The following TBC1D9 variants were observed in gnomAD, a reference collection of about 807,000 sequenced individuals.
TBC1D9 encodes TBC1 domain family member 9.
In TBC1D9, 63 loss-of-function variants were observed where a neutral mutation model predicts 132.0. That is an observed-to-expected ratio of 0.48 (90% CI 0.39 to 0.59). TBC1D9 has a LOEUF of 0.59. TBC1D9 is among the 20% of genes least tolerant of loss of function. The pLI is 0.00. For synonymous variants in TBC1D9, 610 were observed against 609.9 expected (o/e 1.00, Z 0.00); for missense variants, 1,261 against 1,592.7 (o/e 0.79, Z 3.54).
chr4:140,750,578 T>C (rs1738908636), intron 1 of TBC1D9, among the ~76,000 whole-genome samples: 2 of 151,228 alleles, frequency 1.3e-5, no homozygotes, highest in Non-Finnish European at 3.0e-5. Context: ...GGAATAAATA[T>C]AATAAATGAA....
intron 13 of TBC1D9, chr4:140,642,383 C>G: frequency 1.2e-6 from 1 of 839,398 alleles, no homozygotes; most frequent in Non-Finnish European, 2.0e-6. Flanking sequence ...TGGAAGATTT[C>G]AGAGACAGGC....
chr4:140,686,487 A>C (rs1343510817), intron 2 of TBC1D9, 25 bp from the exon 3 acceptor site: 2 of 1,408,842 alleles, frequency 1.4e-6, no homozygotes, highest in Non-Finnish European at 2.0e-6. Context: ...ATAATAATTC[A>C]TGTCAGATTT....
At chr4:140,624,730 T>A (rs1214773683) in intron 18 of TBC1D9, among the ~76,000 whole-genome samples, 2 of 152,180 alleles carry the variant, frequency 1.3e-5, no homozygotes, top group East Asian at 3.9e-4. Flanking sequence ...GAATTCTTTC[T>A]CACAGCTGGG....
intron 1 of TBC1D9, among the ~76,000 whole-genome samples, chr4:140,732,527 T>C (rs1188628809): frequency 6.6e-6 from 1 of 152,254 alleles, no homozygotes; most frequent in Non-Finnish European, 1.5e-5. Context: ...TACTCACCCA[T>C]GTTCTCCAAG....
Position 140,624,061 on chromosome 4 carries a change from A to G in TBC1D9, c.3078+55T>C, listed in dbSNP as rs537128981. 1,227 of 1,406,132 alleles carry G rather than the reference A, an allele frequency of 8.7e-4. 5 individuals are homozygous for G. The highest frequency in any genetic ancestry group is 3.3e-3 in the South Asian group (256 of 78,330). The allele number at this position is 1,406,132 out of a possible 1,614,324, so 87.1% of individuals were successfully genotyped here. On this transcript the variant is annotated intron_variant, in intron 20 of 20. Transcript: ENST00000442267. The stretch of plus-strand genomic sequence containing the variant: ...TACATTTATCGATGACTTTTCAGTC[A>G]TAGAAAAAAGAGTGTCCAGGTTTGA...
chr4:140,662,194 A>G, intron 9 of TBC1D9, 87 bp from the exon 10 acceptor site: 1 of 1,057,620 alleles, frequency 9.5e-7, no homozygotes, highest in Admixed American at 1.7e-5. Context: ...GAACTGCTTT[A>G]CTTTCCTACC....
intron 13 of TBC1D9, among the ~76,000 whole-genome samples, chr4:140,651,741 A>G (rs1391140492): frequency 3.3e-5 from 5 of 152,206 alleles, no homozygotes; most frequent in Non-Finnish European, 7.3e-5. Context: ...TACTTCAGGA[A>G]AAAAAGAAAA....
chr4:140,727,173 T>G (rs937019190), intron 1 of TBC1D9, among the ~76,000 whole-genome samples: 3 of 152,216 alleles, frequency 2.0e-5, no homozygotes, highest in Non-Finnish European at 4.4e-5. Context: ...GAGCCTAGTG[T>G]GCAAAACACA....
chr4:140,644,556 C>T (rs61080370), intron 13 of TBC1D9: 28,412 of 309,824 alleles, frequency 0.092, 1,904 homozygotes, highest in African/African-American at 0.22. Context: ...GCCTTGCCCC[C>T]GGCCCCCAGG....
chr4:140,680,924 C>A (rs750508864), intron 3 of TBC1D9, among the ~76,000 whole-genome samples: 1 of 152,178 alleles, frequency 6.6e-6, no homozygotes, highest in African/African-American at 2.4e-5. Flanking sequence ...TAACCACCAC[C>A]AGTATAAAGT....
At chr4:140,688,326 AGT>A (rs1737820884) in intron 2 of TBC1D9, among the ~76,000 whole-genome samples, 1 of 152,094 alleles carries the variant, frequency 6.6e-6, no homozygotes, top group Non-Finnish European at 1.5e-5. Flanking sequence ...ACTTTAGACA[AGT>A]GCTTAATCTC....
intron 10 of TBC1D9, among the ~76,000 whole-genome samples, chr4:140,660,986 C>G (rs1337812751): frequency 6.6e-6 from 1 of 151,962 alleles, no homozygotes; most frequent in African/African-American, 2.4e-5. Flanking sequence ...ATGATCTCAG[C>G]TCATTGCAAG....
intron 1 of TBC1D9, among the ~76,000 whole-genome samples, chr4:140,744,879 TAA>T (rs34469042): frequency 0.3 from 32,228 of 107,720 alleles, 4,329 homozygotes; most frequent in East Asian, 0.56. Context: ...CAAGAGTGTT[TAA>T]AAAAAAAAAA....
At chr4:140,673,867 A>C (rs1737581144) in intron 6 of TBC1D9, among the ~76,000 whole-genome samples, 1 of 152,228 alleles carries the variant, frequency 6.6e-6, no homozygotes. Flanking sequence ...TCTAAATCGC[A>C]CTAAAATGTA....
chr4:140,641,024 C>T (rs764512985), intron 13 of TBC1D9, among the ~76,000 whole-genome samples: 2 of 133,794 alleles, frequency 1.5e-5, no homozygotes, highest in African/African-American at 2.8e-5. Flanking sequence ...AATATCATCA[C>T]ATAATCAACT....
rs1738498810 is a variant in TBC1D9 at position 140,726,218 on chromosome 4, G to A, written c.131-24604C>T. ...GCAGGAGAATCAATCAAACCTTGGA[G>A]GTGGAGGCTGCAGTGAGCCAAGACT... On this transcript the variant is annotated intron_variant, in intron 1 of 20. Coordinates refer to ENST00000442267, the MANE Select transcript of TBC1D9 (RefSeq NM_015130.3). 2.0e-5 allele frequency among the ~76,000 whole-genome samples: 3 copies of A among 152,214 alleles called. No homozygotes were observed. The South Asian group carries it at 6.2e-4, about 32-fold the overall frequency.
chr4:140,673,150 T>C (rs1193112931), intron 6 of TBC1D9, among the ~76,000 whole-genome samples: 1 of 148,538 alleles, frequency 6.7e-6, no homozygotes, highest in Non-Finnish European at 1.5e-5. Context: ...TGGATGACTG[T>C]GTGAGAGACC....
intron 6 of TBC1D9, among the ~76,000 whole-genome samples, chr4:140,676,498 C>A (rs1254986649): frequency 1.3e-5 from 2 of 152,020 alleles, no homozygotes; most frequent in Non-Finnish European, 2.9e-5. Context: ...ACTAAAAATA[C>A]AAAAATTAGC....
chr4:140,683,284 A>C (rs1464477323), intron 3 of TBC1D9, among the ~76,000 whole-genome samples: 4 of 152,198 alleles, frequency 2.6e-5, no homozygotes, highest in Admixed American at 2.6e-4. Flanking sequence ...GTATCAAGAG[A>C]CAAGGCTTTG....
Sources: gnomAD v4.1 joint callset for allele counts (sites outside exome capture counted in the v4.1 genomes callset) on GRCh38, gnomAD v4.1.1 for gene constraint, MANE v1.5 for transcripts, NCBI Gene and HGNC (gene_info 2026-07-23, HGNC 2026-07-21) for gene names.